The following ALDH3B1 variants were observed in gnomAD, a reference collection of about 807,000 sequenced individuals.
ALDH3B1 encodes the protein aldehyde dehydrogenase 3 family member B1, also known as aldehyde dehydrogenase family 3 member B1.
In ALDH3B1, 37 loss-of-function variants were observed where a neutral mutation model predicts 46.2. The observed-to-expected ratio is 0.80, with a 90% confidence interval of 0.62 to 1.05. The LOEUF (loss-of-function observed/expected upper bound fraction) is 1.05, where lower values mean the gene tolerates loss of function less well. Among genes scored for constraint, ALDH3B1 ranks in the 50% least tolerant of loss-of-function variants. The pLI is 0.00. For missense variants in ALDH3B1, 603 were observed against 665.5 expected (o/e 0.91, Z 1.03); for synonymous variants, 283 against 281.0 (o/e 1.01, Z -0.07).
upstream of ALDH3B1, among the ~76,000 whole-genome samples, chr11:68,009,339 C>A (rs184293945): frequency 2.6e-4 from 39 of 152,308 alleles, no homozygotes; most frequent in Non-Finnish European, 4.7e-4. Context: ...TAGACTCCAG[C>A]CACCTTTGGG....
chr11:68,026,733 G>C (rs922186597), intron 9 of ALDH3B1, among the ~76,000 whole-genome samples: 9 of 152,182 alleles, frequency 5.9e-5, no homozygotes, highest in Non-Finnish European at 1.5e-5. Context: ...AGTAGGCCCC[G>C]AGCAGGTGAC....
chr11:68,014,435 C>T (rs1857296833), intron 1 of ALDH3B1, among the ~76,000 whole-genome samples: 1 of 152,176 alleles, frequency 6.6e-6, no homozygotes, highest in Non-Finnish European at 1.5e-5. Context: ...GGCACCAGGC[C>T]GAGGAACGAG....
chr11:68,009,135 G>A (rs1565130475), upstream of ALDH3B1, among the ~76,000 whole-genome samples: 1 of 152,192 alleles, frequency 6.6e-6, no homozygotes, highest in Admixed American at 6.5e-5. Context: ...GGAGCAAGAA[G>A]CTCTGCCACA....
rs1480246745 is a variant in ALDH3B1 at position 68,028,737 on chromosome 11, G to A, written c.*798G>A. The A allele has an allele frequency of 2.0e-5, 3 of 151,836 alleles. No homozygotes were observed. The highest frequency in any genetic ancestry group is 4.4e-5 in the Non-Finnish European group (3 of 68,062). The allele number at this position is 151,836 out of a possible 1,614,324, so 9.4% of individuals were successfully genotyped here. A position where few individuals can be genotyped will look rare whatever the true frequency, so the allele number is the denominator to read the frequency against. On this transcript the variant is annotated 3_prime_UTR_variant, in exon 10 of 10. Transcript: ENST00000342456. Reference sequence around the variant, plus strand: ...GCAAGGATGAAATGAAGGATTGAGGGATTGAGGGATTGCTGAGCTGGAGCT... The same window carrying A: ...GCAAGGATGAAATGAAGGATTGAGGAATTGAGGGATTGCTGAGCTGGAGCT...
At chr11:68,018,982 G>A in intron 4 of ALDH3B1, 89 bp downstream of exon 4, 1 of 1,492,004 alleles carries the variant, frequency 6.7e-7, no homozygotes, top group Non-Finnish European at 8.9e-7. Flanking sequence ...TGGGAGAACT[G>A]GCCCAGGTGG....
Position 68,015,308 on chromosome 11 carries a change from T to G in ALDH3B1, c.11T>G (p.Leu4Arg). The change falls in exon 2 of 10, where the codon CTT becomes CGT. Residue 4 changes from leucine to arginine, a missense_variant. Coordinates refer to ENST00000342456, the MANE Select transcript of ALDH3B1 (RefSeq NM_000694.4). Reference sequence around the variant, plus strand: ...ACCCCATCTGGCAGGATGGACCCCCTTGGGGACACGCTGCGGCGACTGCGG... The same window carrying G: ...ACCCCATCTGGCAGGATGGACCCCCGTGGGGACACGCTGCGGCGACTGCGG... The part of the protein sequence containing the change: MDP[L>R]GDTLRRLREA... The G allele has an allele frequency of 4.7e-6, 7 of 1,501,792 alleles. No individual in the cohort carries two copies. The highest frequency in any genetic ancestry group is 6.3e-6 in the Non-Finnish European group (7 of 1,119,444). 93.0% of individuals were successfully genotyped at this position (1,501,792 alleles called of 1,614,324 possible).
rs796242398 is a variant in ALDH3B1 at position 68,015,657 on chromosome 11, C to G, written c.162+198C>G. The G allele has an allele frequency of 3.4e-5, 26 of 759,638 alleles. No homozygotes were observed. In the African/African-American group the frequency reaches 3.8e-4, roughly 11 times the overall value. The allele number at this position is 759,638 out of a possible 1,614,324, so 47.1% of individuals were successfully genotyped here. A position where few individuals can be genotyped will look rare whatever the true frequency, so the allele number is the denominator to read the frequency against. ...TCATGCAGCAACTATTTGCTGAGCACCTACTATGTGCCAGGTACTGTTCTA... is the reference window on the plus strand; with the variant it reads ...TCATGCAGCAACTATTTGCTGAGCAGCTACTATGTGCCAGGTACTGTTCTA... On this transcript the variant is annotated intron_variant, in intron 2 of 9. Transcript: ENST00000342456.
rs745976829 is a variant in ALDH3B1 at position 68,021,582 on chromosome 11, C to T, written c.660C>T (p.Asp220=). ...GGGGCAAGAACCCTTGCTACGTGGACGACAACTGCGACCCCCAGACCGTGG... is the reference window on the plus strand; with the variant it reads ...GGGGCAAGAACCCTTGCTACGTGGATGACAACTGCGACCCCCAGACCGTGG... The part of the protein sequence containing the change: ...ELGGKNPCYV[D]DNCDPQTVAN... Residue 220 remains aspartate (D), a synonymous_variant, in exon 7 of 10, where the codon GAC becomes GAT. Coordinates refer to ENST00000342456, the MANE Select transcript of ALDH3B1 (RefSeq NM_000694.4). 1.7e-5 allele frequency: 27 copies of T among 1,613,962 alleles called. No homozygotes were observed. Among genetic ancestry groups the T allele is most frequent in the Admixed American group, 6.7e-5 (4 of 59,984 alleles).
At chr11:68,013,929 G>C (rs972237192) in intron 1 of ALDH3B1, among the ~76,000 whole-genome samples, 3 of 152,248 alleles carry the variant, frequency 2.0e-5, no homozygotes, top group South Asian at 2.1e-4. Flanking sequence ...CTCCAGCTGA[G>C]GGCTGGCCTG....
chr11:68,010,848 T>C (rs2134376669), intron 1 of ALDH3B1, among the ~76,000 whole-genome samples: 1 of 152,258 alleles, frequency 6.6e-6, no homozygotes. Flanking sequence ...TGAATGACTC[T>C]GGGAAAGAAT....
rs563002405 is a variant in ALDH3B1, at chr11:68,020,237, C to CT, written c.562+450dup. Among the ~76,000 whole-genome samples, 360 of 150,664 alleles carry CT rather than the reference C, an allele frequency of 2.4e-3. 2 individuals are homozygous for CT. The highest frequency in any genetic ancestry group is 3.5e-3 in the Admixed American group (53 of 15,120). ...CCACGCCAGAGGTCACTTTTTTTTT[C>CT]TTTTTTTTTGAGACAGAGTCTTGCT... is the stretch of plus-strand genomic sequence containing the variant. On this transcript the variant is annotated intron_variant, in intron 6 of 9. Transcript: ENST00000342456.
At chr11:68,022,799 G>A (rs755595380) in intron 8 of ALDH3B1, 38 bp downstream of exon 8, 11 of 1,610,792 alleles carry the variant, frequency 6.8e-6, no homozygotes, top group African/African-American at 4.0e-5. Context: ...TCAGGAGCCC[G>A]CAGTGGGCAG....
chr11:68,022,117 A>G (rs1228101517), intron 7 of ALDH3B1, among the ~76,000 whole-genome samples: 1 of 152,304 alleles, frequency 6.6e-6, no homozygotes, highest in Admixed American at 6.5e-5. Context: ...TCCAGGGCTC[A>G]GCGTGCTAAG....
At chr11:68,026,641 G>A (rs2134402647) in intron 9 of ALDH3B1, among the ~76,000 whole-genome samples, 1 of 152,268 alleles carries the variant, frequency 6.6e-6, no homozygotes, top group South Asian at 2.1e-4. Context: ...GGAAGCCTCA[G>A]AGATGGTCCT....
Position 68,027,826 on chromosome 11 carries a change from A to G in ALDH3B1, c.1294A>G (p.Ser432Gly). 1 of 1,556,394 alleles carries G rather than the reference A, an allele frequency of 6.4e-7. No individual in the cohort carries two copies. Among genetic ancestry groups the G allele is most frequent in the Non-Finnish European group, 8.7e-7 (1 of 1,149,706 alleles). Reference protein sequence around the residue: ...FSHHRACLLRSPGMEKLNALR... With the variant: ...FSHHRACLLRGPGMEKLNALR... The stretch of plus-strand genomic sequence containing the variant: ...CCACCATCGCGCCTGCCTCCTGCGC[A>G]GCCCGGGGATGGAGAAGCTCAACGC... The change falls in exon 10 of 10, where the codon AGC (serine) becomes GGC (glycine). Residue 432 changes from serine (S) to glycine (G), a missense_variant. Physicochemically the swap from Ser to Gly is moderately conservative, Grantham distance 56 (BLOSUM62 0). Coordinates refer to ENST00000342456, the MANE Select transcript of ALDH3B1 (RefSeq NM_000694.4).
intron 1 of ALDH3B1, among the ~76,000 whole-genome samples, chr11:68,010,976 T>C (rs970109384): frequency 1.3e-5 from 2 of 152,200 alleles, no homozygotes; most frequent in East Asian, 3.9e-4. Context: ...GCCGAGGCTG[T>C]TCAGCCTCTT....
At chr11:68,010,003 C>A (rs1447987722), upstream of ALDH3B1, among the ~76,000 whole-genome samples, 2 of 152,174 alleles carry the variant, frequency 1.3e-5, no homozygotes, top group Non-Finnish European at 2.9e-5. Context: ...CACCCCACAC[C>A]GGGATTCCCA....
chr11:68,010,822 T>A (rs1857213921), intron 1 of ALDH3B1, among the ~76,000 whole-genome samples: 1 of 152,200 alleles, frequency 6.6e-6, no homozygotes, highest in Non-Finnish European at 1.5e-5. Flanking sequence ...CCAGTGCTGA[T>A]GCAGGGATGT....
chr11:68,020,833 C>T (rs374245562), intron 6 of ALDH3B1, among the ~76,000 whole-genome samples: 37 of 152,284 alleles, frequency 2.4e-4, no homozygotes, highest in East Asian at 1.2e-3. Flanking sequence ...GCGTGGTCCC[C>T]GAGTCAGGTC....
Sources: gnomAD v4.1 joint callset for allele counts (sites outside exome capture counted in the v4.1 genomes callset) on GRCh38, gnomAD v4.1.1 for gene constraint, MANE v1.5 for transcripts, NCBI Gene and HGNC (gene_info 2026-07-23, HGNC 2026-07-21) for gene names.